Variants in ZMIZ1 observed in about 807,000 individuals in gnomAD.
ZMIZ1 encodes the protein zinc finger MIZ-type containing 1.
A neutral mutation model predicts 113.9 loss-of-function variants in ZMIZ1; 17 were observed. The ratio of observed to expected loss-of-function variants is 0.15; its 90% CI spans 0.10 to 0.22. ZMIZ1 has a LOEUF of 0.22. Ranked by LOEUF, ZMIZ1 falls within the 10% of genes least tolerant of loss-of-function variation. The pLI is 1.00. For missense variants in ZMIZ1, 1,059 were observed against 1,477.8 expected (o/e 0.72, Z 4.65); for synonymous variants, 607 against 603.1 (o/e 1.01, Z -0.09).
At chr10:79,225,185 C>T (rs1280639075) in intron 7 of ZMIZ1, among the ~76,000 whole-genome samples, 1 of 152,224 alleles carries the variant, frequency 6.6e-6, no homozygotes, top group Non-Finnish European at 1.5e-5. Context: ...CAACAAGATG[C>T]TTTCCAGACT....
chr10:79,071,192 C>T (rs1419333515), intron 1 of ZMIZ1, among the ~76,000 whole-genome samples: 1 of 152,196 alleles, frequency 6.6e-6, no homozygotes, highest in Non-Finnish European at 1.5e-5. Flanking sequence ...TCCGAGCTGC[C>T]TCCTGGTGCC....
intron 4 of ZMIZ1, among the ~76,000 whole-genome samples, chr10:79,197,637 C>CT (rs150429210): frequency 6.7e-6 from 1 of 149,274 alleles, no homozygotes; most frequent in Non-Finnish European, 1.5e-5. Context: ...CACACACACA[C>CT]ACACACCTGT....
intron 3 of ZMIZ1, among the ~76,000 whole-genome samples, chr10:79,140,456 C>T (rs1018287928): frequency 3.9e-5 from 6 of 152,220 alleles, no homozygotes; most frequent in Non-Finnish European, 7.3e-5. Flanking sequence ...GCTTTTACTT[C>T]GACCGTACTG....
intron 7 of ZMIZ1, among the ~76,000 whole-genome samples, chr10:79,271,988 G>C (rs1459349635): frequency 1.3e-5 from 2 of 152,220 alleles, no homozygotes; most frequent in Non-Finnish European, 2.9e-5. Flanking sequence ...GCACAGTAAG[G>C]CTGGGCTCAG....
chr10:79,135,968 A>C lies in ZMIZ1; in HGVS notation c.-226-3714A>C, dbSNP rs895403010. Among the ~76,000 whole-genome samples, 146 of 151,586 alleles carry C rather than the reference A, an allele frequency of 9.6e-4. 12 individuals carry two copies. The highest frequency in any genetic ancestry group is 4.4e-5 in the Non-Finnish European group (3 of 67,964). The stretch of plus-strand genomic sequence containing the variant: ...CCCCTTTATCGCCCTGTACACAATC[A>C]GGGGAAGCTGGGAAGGCCGCTGGGG... On this transcript the variant is annotated intron_variant, in intron 2 of 24. Transcript: ENST00000334512.
At chr10:79,078,325 T>G (rs897853078) in intron 1 of ZMIZ1, among the ~76,000 whole-genome samples, 2 of 152,136 alleles carry the variant, frequency 1.3e-5, no homozygotes, top group African/African-American at 4.8e-5. Flanking sequence ...TGACTGGAAC[T>G]TCTGGCCAGT....
intron 2 of ZMIZ1, among the ~76,000 whole-genome samples, chr10:79,134,694 A>T (rs1466668162): frequency 6.6e-6 from 1 of 152,124 alleles, no homozygotes; most frequent in Non-Finnish European, 1.5e-5. Context: ...AAATTTTAAC[A>T]CTATGTATGT....
At chr10:79,105,170 C>CCTCTT (rs1208801606) in intron 1 of ZMIZ1, among the ~76,000 whole-genome samples, 1 of 152,190 alleles carries the variant, frequency 6.6e-6, no homozygotes, top group East Asian at 1.9e-4. Flanking sequence ...AAAATTTAGA[C>CCTCTT]AAATAACCTC....
chr10:79,297,224 G>A (rs1853959124), intron 13 of ZMIZ1, among the ~76,000 whole-genome samples: 1 of 152,178 alleles, frequency 6.6e-6, no homozygotes, highest in African/African-American at 2.4e-5. Flanking sequence ...ACACTATGAT[G>A]AGTATCTTCA....
At chr10:79,292,463 G>A in intron 11 of ZMIZ1, 107 bp downstream of exon 11, 1 of 1,438,360 alleles carries the variant, frequency 7.0e-7, no homozygotes, top group Non-Finnish European at 9.5e-7. Context: ...TGTGTGCTGG[G>A]AGAGCTGACT....
At chr10:79,291,211 C>T (rs376982163) in intron 10 of ZMIZ1, 35 bp downstream of exon 10, 117 of 1,559,134 alleles carry the variant, frequency 7.5e-5, no homozygotes, top group African/African-American at 4.2e-4. Flanking sequence ...AAGCCATGGA[C>T]GCCACCCCTC....
intron 7 of ZMIZ1, among the ~76,000 whole-genome samples, chr10:79,236,139 G>A (rs556545766): frequency 1.3e-5 from 2 of 152,332 alleles, no homozygotes; most frequent in South Asian, 4.1e-4. Flanking sequence ...TGGTGGCTGG[G>A]ACACCTGGTA....
At chr10:79,077,391 T>C (rs1842508252) in intron 1 of ZMIZ1, among the ~76,000 whole-genome samples, 1 of 151,740 alleles carries the variant, frequency 6.6e-6, no homozygotes, top group Non-Finnish European at 1.5e-5. Flanking sequence ...ACCTTCTTAT[T>C]TTCCACATGG....
At chr10:79,289,640 G>T (rs563743750) in intron 8 of ZMIZ1, 135 bp from the exon 9 acceptor site, 2 of 715,212 alleles carry the variant, frequency 2.8e-6, no homozygotes, top group African/African-American at 1.8e-5. Flanking sequence ...AGGCCTGGGG[G>T]GTCCAGTACC....
chr10:79,164,000 T>C (rs1846215409), intron 4 of ZMIZ1, among the ~76,000 whole-genome samples: 1 of 151,924 alleles, frequency 6.6e-6, no homozygotes, highest in African/African-American at 2.4e-5. Flanking sequence ...TAATTAATCA[T>C]AGGAGCAGCT....
intron 7 of ZMIZ1, among the ~76,000 whole-genome samples, chr10:79,236,002 A>T (rs1338176708): frequency 6.6e-6 from 1 of 152,190 alleles, no homozygotes; most frequent in Non-Finnish European, 1.5e-5. Flanking sequence ...TTGAAGAGGG[A>T]AACAAGGGCC....
chr10:79,072,901 G>T (rs1842338718), intron 1 of ZMIZ1, among the ~76,000 whole-genome samples: 1 of 152,194 alleles, frequency 6.6e-6, no homozygotes, highest in South Asian at 2.1e-4. Flanking sequence ...CATGCCCTTT[G>T]GGGGAGTGCT....
At chr10:79,280,122 G>C (rs1852626070) in intron 8 of ZMIZ1, among the ~76,000 whole-genome samples, 1 of 151,874 alleles carries the variant, frequency 6.6e-6, no homozygotes, top group African/African-American at 2.4e-5. Context: ...CAAGTAGCTG[G>C]GACCACAGGC....
intron 3 of ZMIZ1, among the ~76,000 whole-genome samples, chr10:79,144,527 A>C (rs527693984): frequency 5.9e-5 from 9 of 151,944 alleles, no homozygotes; most frequent in African/African-American, 1.7e-4. Flanking sequence ...ACCCCACCCC[A>C]CAAGCAGGCA....
Sources: gnomAD v4.1 joint callset for allele counts (sites outside exome capture counted in the v4.1 genomes callset) on GRCh38, gnomAD v4.1.1 for gene constraint, MANE v1.5 for transcripts, NCBI Gene and HGNC (gene_info 2026-07-23, HGNC 2026-07-21) for gene names.